Variants in PLEKHA5 observed in about 807,000 individuals in gnomAD.
The protein encoded by PLEKHA5 is pleckstrin homology domain-containing family A member 5.
In PLEKHA5, 55 loss-of-function variants were observed where a neutral mutation model predicts 181.9. That is an observed-to-expected ratio of 0.30 (90% CI 0.24 to 0.38). The LOEUF is 0.38. PLEKHA5 is among the 10% of genes least tolerant of loss of function. The pLI, the probability that PLEKHA5 is intolerant of heterozygous loss-of-function variation, is 1.00. For synonymous variants in PLEKHA5, 535 were observed against 529.4 expected, an observed-to-expected ratio of 1.01 and a Z score of -0.15; for missense variants, 1,432 against 1,549.5, an observed-to-expected ratio of 0.92 and a Z score of 1.27.
intron 15 of PLEKHA5, chr12:19,306,583 G>A: frequency 2.5e-6 from 2 of 810,074 alleles, no homozygotes; most frequent in Admixed American, 1.7e-5. Context: ...CTGCGGATCC[G>A]GGCCCTAGCG....
At chr12:19,292,316 G>A (rs985753863) in intron 15 of PLEKHA5, among the ~76,000 whole-genome samples, 1 of 152,156 alleles carries the variant, frequency 6.6e-6, no homozygotes, top group Non-Finnish European at 1.5e-5. Context: ...TGAGGCATGA[G>A]AATTGCTTGA....
intron 16 of PLEKHA5, 77 bp downstream of exon 16, chr12:19,314,971 A>G (rs2088024097): frequency 3.9e-6 from 3 of 776,186 alleles, no homozygotes; most frequent in African/African-American, 1.7e-5. Flanking sequence ...TTATTCTCAG[A>G]TTTACTCATG....
At chr12:19,285,600 T>G (rs1436123921) in intron 12 of PLEKHA5, among the ~76,000 whole-genome samples, 1 of 152,196 alleles carries the variant, frequency 6.6e-6, no homozygotes, top group Non-Finnish European at 1.5e-5. Context: ...GCTCTAGTAG[T>G]GCAGAAGCGA....
chr12:19,362,239 C>T (rs915636396), intron 29 of PLEKHA5, among the ~76,000 whole-genome samples: 2 of 143,370 alleles, frequency 1.4e-5, no homozygotes, highest in Non-Finnish European at 3.0e-5. Flanking sequence ...AAGATTAATA[C>T]GAAAACACAT....
At chr12:19,215,919 T>C (rs1452934708) in intron 3 of PLEKHA5, among the ~76,000 whole-genome samples, 3 of 152,240 alleles carry the variant, frequency 2.0e-5, no homozygotes, top group African/African-American at 7.2e-5. Flanking sequence ...ATGAATTACA[T>C]TTATTTTTAT....
At chr12:19,291,791 T>C (rs1325197752) in intron 15 of PLEKHA5, 94 bp downstream of exon 15, 3 of 634,250 alleles carry the variant, frequency 4.7e-6, no homozygotes, top group African/African-American at 1.9e-5. Context: ...TTCAGTCACG[T>C]TGAATTAATA....
chr12:19,217,121 G>C (rs1592097961), intron 3 of PLEKHA5, among the ~76,000 whole-genome samples: 1 of 152,204 alleles, frequency 6.6e-6, no homozygotes, highest in Non-Finnish European at 1.5e-5. Context: ...TTGTAATTAT[G>C]ATTTTTAAAC....
intron 15 of PLEKHA5, among the ~76,000 whole-genome samples, chr12:19,311,467 G>T (rs1375316012): frequency 6.7e-6 from 1 of 148,488 alleles, no homozygotes; most frequent in Non-Finnish European, 1.5e-5. Context: ...AAAAAAAAAA[G>T]TAAAATTGAA....
chr12:19,320,735 A>T lies in PLEKHA5; in HGVS notation c.2217+111A>T, dbSNP rs879153114. On this transcript the variant is annotated intron_variant, in intron 18 of 31. Transcript: ENST00000429027. ...TTTCTCCCAAGTCCTCCAAAGTGAC[A>T]TCAGGTAAATTCATATTTTATGTGT... 9 of 546,110 alleles carry T rather than the reference A, an allele frequency of 1.6e-5. No homozygotes were observed. The South Asian group carries it at 2.7e-4, about 16-fold the overall frequency. 33.8% of individuals were successfully genotyped at this position (546,110 alleles called of 1,614,324 possible). A position where few individuals can be genotyped will look rare whatever the true frequency, so the allele number is the denominator to read the frequency against.
chr12:19,266,981 T>C (rs1270349230), intron 8 of PLEKHA5, among the ~76,000 whole-genome samples: 1 of 152,144 alleles, frequency 6.6e-6, no homozygotes, highest in African/African-American at 2.4e-5. Flanking sequence ...TGTTATTAAA[T>C]CCAAGCAGAC....
Position 19,283,273 on chromosome 12 carries a change from A to C in PLEKHA5, c.1314-7A>C. The C allele has an allele frequency of 6.5e-7, 1 of 1,536,746 alleles. No individual in the cohort carries two copies. Reference sequence around the variant, plus strand: ...ATGTTTACATTTTAATTATTTTTTTATTTTAGAGTAATTTCTTACCAAACA... The same window carrying C: ...ATGTTTACATTTTAATTATTTTTTTCTTTTAGAGTAATTTCTTACCAAACA... On this transcript the variant is annotated splice_region_variant and splice_polypyrimidine_tract_variant and intron_variant, in intron 11 of 31. Coordinates refer to ENST00000429027, the MANE Select transcript of PLEKHA5 (RefSeq NM_001256470.2).
At chr12:19,336,140 A>G (rs2093411382) in intron 20 of PLEKHA5, among the ~76,000 whole-genome samples, 1 of 152,180 alleles carries the variant, frequency 6.6e-6, no homozygotes, top group South Asian at 2.1e-4. Context: ...AGCTAAATTC[A>G]TTTGTTTTAT....
chr12:19,232,142 G>A (rs2060721837), intron 3 of PLEKHA5, among the ~76,000 whole-genome samples: 1 of 152,130 alleles, frequency 6.6e-6, no homozygotes, highest in African/African-American at 2.4e-5. Flanking sequence ...CTTATTAGAT[G>A]TTAGTCCAGT....
intron 7 of PLEKHA5, among the ~76,000 whole-genome samples, chr12:19,263,670 C>A (rs1462445209): frequency 6.6e-6 from 1 of 152,132 alleles, no homozygotes; most frequent in Non-Finnish European, 1.5e-5. Context: ...TCACTTGAAT[C>A]CAGTAAAATG....
intron 3 of PLEKHA5, among the ~76,000 whole-genome samples, chr12:19,225,719 A>C (rs1480795367): frequency 6.6e-6 from 1 of 152,230 alleles, no homozygotes; most frequent in Admixed American, 6.5e-5. Flanking sequence ...TTTGTGGTTT[A>C]GATCAGAATG....
At chr12:19,142,662 GTCAA>G (rs1484823377) in intron 3 of PLEKHA5, among the ~76,000 whole-genome samples, 1 of 152,114 alleles carries the variant, frequency 6.6e-6, no homozygotes, top group South Asian at 2.1e-4. Context: ...CGTTACAGTA[GTCAA>G]TCAAATTCAC....
chr12:19,157,132 C>CT (rs753751452), intron 3 of PLEKHA5, among the ~76,000 whole-genome samples: 6 of 98,512 alleles, frequency 6.1e-5, no homozygotes, highest in Non-Finnish European at 1.4e-4. Context: ...ACACACGGAG[C>CT]TGTATATGTT....
intron 15 of PLEKHA5, among the ~76,000 whole-genome samples, chr12:19,308,807 G>A (rs1366674115): frequency 6.6e-6 from 1 of 152,096 alleles, no homozygotes; most frequent in Non-Finnish European, 1.5e-5. Context: ...AGCACTTTGG[G>A]AGGCCGAAGG....
At chr12:19,159,818 G>C (rs1032493845) in intron 3 of PLEKHA5, among the ~76,000 whole-genome samples, 1 of 152,108 alleles carries the variant, frequency 6.6e-6, no homozygotes, top group South Asian at 2.1e-4. Flanking sequence ...TTTGAAGCCC[G>C]TAGAGACAGG....
Sources: allele counts gnomAD v4.1 joint callset (sites outside exome capture counted in the v4.1 genomes callset), GRCh38; gene constraint gnomAD v4.1.1; transcripts MANE v1.5; gene names NCBI Gene and HGNC (gene_info 2026-07-23, HGNC 2026-07-21).